SDC3: variants seen among roughly 807,000 people sequenced by gnomAD.
The protein encoded by SDC3 is syndecan 3.
In SDC3, 13 loss-of-function variants were observed where a neutral mutation model predicts 24.4. The observed-to-expected ratio is 0.53, with a 90% CI of 0.35 to 0.85. The LOEUF (loss-of-function observed/expected upper bound fraction) is 0.85. SDC3 is among the 40% of genes least tolerant of loss of function. The pLI is 0.01. For missense variants in SDC3, 571 were observed against 584.5 expected (o/e 0.98, Z 0.24); for synonymous variants, 295 against 260.9 (o/e 1.13, Z -1.26).
At chr1:30,908,164 G>A (rs1298507523) in intron 1 of SDC3, among the ~76,000 whole-genome samples, 1 of 151,996 alleles carries the variant, frequency 6.6e-6, no homozygotes, top group Non-Finnish European at 1.5e-5. Context: ...CTCTGGGGAG[G>A]GGTCCCAAAA....
At chr1:30,906,079 G>A (rs962027230) in intron 1 of SDC3, among the ~76,000 whole-genome samples, 1 of 152,128 alleles carries the variant, frequency 6.6e-6, no homozygotes, top group African/African-American at 2.4e-5. Context: ...CACCCCTGGA[G>A]CTTCCCTGGC....
intron 1 of SDC3, among the ~76,000 whole-genome samples, chr1:30,892,205 T>G (rs1288189733): frequency 6.6e-6 from 1 of 152,080 alleles, no homozygotes; most frequent in Non-Finnish European, 1.5e-5. Flanking sequence ...GGATAAGGCC[T>G]GGCCTCCACT....
intron 1 of SDC3, 142 bp downstream of exon 1, chr1:30,908,307 T>C (rs1570037968): frequency 5.4e-6 from 1 of 185,770 alleles, no homozygotes; most frequent in African/African-American, 5.6e-5. Context: ...GGTCGAGGGG[T>C]GGCAGGGACC....
chr1:30,889,980 T>C (rs1054346115), intron 1 of SDC3, among the ~76,000 whole-genome samples: 5 of 152,166 alleles, frequency 3.3e-5, no homozygotes, highest in Non-Finnish European at 7.4e-5. Context: ...ATGTGGTATG[T>C]TCATACAATG....
At chr1:30,902,629 TG>T (rs1259625076) in intron 1 of SDC3, among the ~76,000 whole-genome samples, 1 of 152,208 alleles carries the variant, frequency 6.6e-6, no homozygotes, top group Non-Finnish European at 1.5e-5. Flanking sequence ...GCCTGGGGCC[TG>T]GGCAGCTCCT....
chr1:30,883,386 G>A (rs1360392349), intron 1 of SDC3, among the ~76,000 whole-genome samples: 1 of 152,206 alleles, frequency 6.6e-6, no homozygotes, highest in African/African-American at 2.4e-5. Flanking sequence ...CCAGACTCAG[G>A]CCTCACTTTC....
intron 3 of SDC3, among the ~76,000 whole-genome samples, chr1:30,874,945 G>C (rs1401213323): frequency 2.0e-5 from 3 of 152,176 alleles, no homozygotes; most frequent in African/African-American, 7.2e-5. Context: ...ACAATCCTTG[G>C]GGGATTCCTG....
At chr1:30,901,306 C>G (rs1638410192) in intron 1 of SDC3, among the ~76,000 whole-genome samples, 1 of 152,196 alleles carries the variant, frequency 6.6e-6, no homozygotes, top group Non-Finnish European at 1.5e-5. Context: ...CTAGGACTCT[C>G]CACCCCTGAG....
intron 1 of SDC3, among the ~76,000 whole-genome samples, 190 bp downstream of exon 1, chr1:30,908,259 G>A (rs12118566): frequency 6.8e-6 from 1 of 147,764 alleles, no homozygotes; most frequent in African/African-American, 2.5e-5. Context: ...GATTCCGGAG[G>A]GGGGGGAGCA....
intron 1 of SDC3, among the ~76,000 whole-genome samples, chr1:30,898,810 T>C (rs1638339285): frequency 6.6e-6 from 1 of 152,168 alleles, no homozygotes; most frequent in African/African-American, 2.4e-5. Flanking sequence ...CATTCACTCT[T>C]CCCATTTAAC....
intron 1 of SDC3, among the ~76,000 whole-genome samples, chr1:30,892,195 G>A (rs1358864730): frequency 6.6e-6 from 1 of 152,030 alleles, no homozygotes; most frequent in Non-Finnish European, 1.5e-5. Flanking sequence ...TGCAGCCCAG[G>A]GATAAGGCCT....
In SDC3 at chr1:30,883,866, G is replaced by A. The variant is rs114082676; in HGVS notation, c.139-5126C>T. 2.0e-3 allele frequency among the ~76,000 whole-genome samples: 306 copies of A among 152,266 alleles called. 1 individual carries two copies. The highest frequency in any genetic ancestry group is 7.0e-3 in the African/African-American group (289 of 41,540). On this transcript the variant is annotated intron_variant, in intron 1 of 4. Coordinates refer to ENST00000339394, the MANE Select transcript of SDC3 (RefSeq NM_014654.4). ...AACTACTAGCTCCTCGAGGCAGGGA[G>A]GGAGGGTGTCTCAGCATGGCCCTCT...
chr1:30,888,199 T>C (rs1277421870), intron 1 of SDC3, among the ~76,000 whole-genome samples: 2 of 152,170 alleles, frequency 1.3e-5, no homozygotes, highest in African/African-American at 2.4e-5. Flanking sequence ...CCCAGGCGAC[T>C]TGCTAGAGGT....
intron 2 of SDC3, 200 bp downstream of exon 2, chr1:30,878,423 T>G: frequency 1.9e-6 from 1 of 530,064 alleles, no homozygotes; most frequent in Non-Finnish European, 3.4e-6. Context: ...GGCCCTGAGG[T>G]CCTCCCAGGT....
intron 1 of SDC3, among the ~76,000 whole-genome samples, chr1:30,884,069 G>C (rs1016107450): frequency 6.6e-6 from 1 of 152,186 alleles, no homozygotes; most frequent in African/African-American, 2.4e-5. Context: ...GGGACCAGGA[G>C]GGGGATGTCT....
At chr1:30,877,942 A>G (rs755071158) in intron 2 of SDC3, 5 of 152,520 alleles carry the variant, frequency 3.3e-5, no homozygotes, top group Non-Finnish European at 7.3e-5. Context: ...ACCCCGTACC[A>G]TCTCCTCAGA....
chr1:30,889,610 G>C (rs1157465255), intron 1 of SDC3, among the ~76,000 whole-genome samples: 1 of 152,154 alleles, frequency 6.6e-6, no homozygotes, highest in African/African-American at 2.4e-5. Flanking sequence ...CTCTGCAGTG[G>C]GCCTTCTGCC....
In SDC3 at chr1:30,900,604, G is replaced by T. The variant is rs552414218; in HGVS notation, c.138+7845C>A. Among the ~76,000 whole-genome samples the T allele has an allele frequency of 2.9e-3, 443 of 152,070 alleles. 4 individuals carry two copies. Among genetic ancestry groups the T allele is most frequent in the African/African-American group, 0.01 (420 of 41,422 alleles). ...AGTCCACCTCCCCCCAGCTCTCCAG[G>T]AGCCTTGCCTACTCAGGCCCTGCAT... On this transcript the variant is annotated intron_variant, in intron 1 of 4. Coordinates refer to ENST00000339394, the MANE Select transcript of SDC3 (RefSeq NM_014654.4).
At chr1:30,874,142 TG>T (rs1477109286) in intron 4 of SDC3, among the ~76,000 whole-genome samples, 154 bp downstream of exon 4, 1 of 152,088 alleles carries the variant, frequency 6.6e-6, no homozygotes, top group Non-Finnish European at 1.5e-5. Flanking sequence ...AGGCAGGTCC[TG>T]GGGGGTTGAG....
Sources: allele counts gnomAD v4.1 joint callset (sites outside exome capture counted in the v4.1 genomes callset), GRCh38; gene constraint gnomAD v4.1.1; transcripts MANE v1.5; gene names NCBI Gene and HGNC (gene_info 2026-07-23, HGNC 2026-07-21).